SNCAIP: variants seen among roughly 807,000 people sequenced by gnomAD.
The protein encoded by SNCAIP is synuclein alpha interacting protein, also known as synphilin-1.
SNCAIP carries 43 observed loss-of-function variants against 86.7 expected under a neutral mutation model. The observed-to-expected ratio is 0.50, with a 90% CI of 0.39 to 0.64. The LOEUF is 0.64. Ranked by LOEUF, SNCAIP falls within the 30% of genes least tolerant of loss-of-function variation. The pLI, the probability that SNCAIP is intolerant of heterozygous loss-of-function variation, is 0.00. For synonymous variants in SNCAIP, 417 were observed against 427.2 expected (o/e 0.98, Z 0.29); for missense variants, 981 against 1,103.1 (o/e 0.89, Z 1.57).
At chr5:122,393,049 C>T (rs973998175) in intron 2 of SNCAIP, among the ~76,000 whole-genome samples, 1 of 152,026 alleles carries the variant, frequency 6.6e-6, no homozygotes, top group Non-Finnish European at 1.5e-5. Flanking sequence ...TAACTAAAAC[C>T]GTTTAGCAAA....
intron 8 of SNCAIP, among the ~76,000 whole-genome samples, chr5:122,448,440 G>A (rs1306961184): frequency 6.6e-6 from 1 of 151,242 alleles, no homozygotes; most frequent in African/African-American, 2.4e-5. Flanking sequence ...TTCAAGTCCA[G>A]CCTGAGAAGC....
intron 1 of SNCAIP, among the ~76,000 whole-genome samples, chr5:122,353,165 G>A (rs1336485069): frequency 2.0e-5 from 3 of 152,082 alleles, no homozygotes; most frequent in East Asian, 3.9e-4. Flanking sequence ...ACAACAGTGT[G>A]GATAAGTCTT....
chr5:122,400,846 G>A, intron 2 of SNCAIP: 1 of 916,630 alleles, frequency 1.1e-6, no homozygotes, highest in Non-Finnish European at 1.5e-6. Flanking sequence ...AAGAAGTCTG[G>A]AAAACAAATT....
chr5:122,439,056 A>G (rs1385299927), intron 6 of SNCAIP, among the ~76,000 whole-genome samples: 1 of 152,194 alleles, frequency 6.6e-6, no homozygotes, highest in Non-Finnish European at 1.5e-5. Flanking sequence ...TGCTATAATC[A>G]TCTATGTCCA....
At chr5:122,387,395 G>A (rs942624672) in intron 1 of SNCAIP, among the ~76,000 whole-genome samples, 23 of 152,194 alleles carry the variant, frequency 1.5e-4, no homozygotes, top group African/African-American at 5.3e-4. Flanking sequence ...CTCGTGATCC[G>A]TCCACCTTGG....
At chr5:122,456,441 C>CCCTA (rs1784791202) in intron 10 of SNCAIP, among the ~76,000 whole-genome samples, 1 of 152,104 alleles carries the variant, frequency 6.6e-6, no homozygotes, top group African/African-American at 2.4e-5. Flanking sequence ...ATTCCCCCAC[C>CCCTA]CCTAACACAC....
intron 1 of SNCAIP, among the ~76,000 whole-genome samples, chr5:122,353,660 T>C (rs1247203291): frequency 6.6e-6 from 1 of 152,126 alleles, no homozygotes; most frequent in Non-Finnish European, 1.5e-5. Context: ...AAAGAGGATT[T>C]CCCCTGCACA....
chr5:122,450,696 G>A lies in SNCAIP; in HGVS notation c.1849G>A (p.Asp617Asn). 6.2e-7 allele frequency: 1 copy of A among 1,614,138 alleles called. No homozygotes were observed. ...ACCCAAAGCAAAAGATGAAGATTCT[G>A]ATAAAATCTTACGCCAGTTATTGGG... is the stretch of plus-strand genomic sequence containing the variant. ...ARPKAKDEDSDKILRQLLGKE... is the reference protein window; with the variant it reads ...ARPKAKDEDSNKILRQLLGKE... The change falls in exon 10 of 11, where the codon GAT becomes AAT. Residue 617 changes from aspartate (D) to asparagine (N), a missense_variant. Asp to Asn is a conservative substitution (Grantham distance 23). Coordinates refer to ENST00000261368, the MANE Select transcript of SNCAIP (RefSeq NM_005460.4).
At chr5:122,389,597 C>G (rs1422788263) in intron 1 of SNCAIP, 3 of 152,068 alleles carry the variant, frequency 2.0e-5, no homozygotes, top group Admixed American at 6.5e-5. Flanking sequence ...GTTTGATAAC[C>G]TATTTTCAGA....
At chr5:122,405,107 A>G (rs575901828) in intron 3 of SNCAIP, among the ~76,000 whole-genome samples, 3 of 152,332 alleles carry the variant, frequency 2.0e-5, no homozygotes, top group Admixed American at 1.3e-4. Context: ...ACTTGAACCA[A>G]TGACTATGAT....
intron 3 of SNCAIP, among the ~76,000 whole-genome samples, chr5:122,413,333 A>G (rs1012159357): frequency 6.6e-6 from 1 of 152,108 alleles, no homozygotes; most frequent in Admixed American, 6.5e-5. Context: ...AAACTTGCAC[A>G]TGTGCTTCCT....
chr5:122,399,244 T>C (rs1271200383), intron 2 of SNCAIP, among the ~76,000 whole-genome samples: 1 of 152,084 alleles, frequency 6.6e-6, no homozygotes, highest in African/African-American at 2.4e-5. Flanking sequence ...GAGACAGACA[T>C]TTACTAGAGC....
At chr5:122,408,440 G>A (rs564381969) in intron 3 of SNCAIP, among the ~76,000 whole-genome samples, 11 of 152,114 alleles carry the variant, frequency 7.2e-5, no homozygotes, top group Non-Finnish European at 1.5e-4. Context: ...ATGGAAAATG[G>A]CAATGTTGTC....
intron 1 of SNCAIP, among the ~76,000 whole-genome samples, chr5:122,373,875 A>G (rs1764745065): frequency 6.6e-6 from 1 of 152,158 alleles, no homozygotes; most frequent in South Asian, 2.1e-4. Context: ...GCCTGGACCA[A>G]CAGAAGCATT....
intron 1 of SNCAIP, among the ~76,000 whole-genome samples, chr5:122,362,832 A>G (rs968094852): frequency 2.6e-5 from 4 of 152,134 alleles, no homozygotes; most frequent in South Asian, 2.1e-4. Context: ...AATGAATTAA[A>G]CAGTACAGCA....
chr5:122,406,328 A>AT (rs1245958465), intron 3 of SNCAIP, among the ~76,000 whole-genome samples: 5 of 152,244 alleles, frequency 3.3e-5, no homozygotes, highest in African/African-American at 1.2e-4. Flanking sequence ...AAGCTAGCAG[A>AT]TTTCTATCTT....
At chr5:122,437,690 T>G (rs566589039) in intron 6 of SNCAIP, among the ~76,000 whole-genome samples, 1 of 152,356 alleles carries the variant, frequency 6.6e-6, no homozygotes, top group Non-Finnish European at 1.5e-5. Flanking sequence ...AATCTTTCAT[T>G]GTAAGGAAGA....
At chr5:122,413,171 T>C (rs1211125592) in intron 3 of SNCAIP, among the ~76,000 whole-genome samples, 1 of 152,148 alleles carries the variant, frequency 6.6e-6, no homozygotes, top group Admixed American at 6.5e-5. Context: ...TCAGTTAAAA[T>C]AAAAAACAAA....
intron 10 of SNCAIP, among the ~76,000 whole-genome samples, chr5:122,456,118 C>A (rs1266473774): frequency 6.6e-6 from 1 of 152,204 alleles, no homozygotes; most frequent in African/African-American, 2.4e-5. Flanking sequence ...ACCAGTAACA[C>A]CCACTTTGAC....
Sources: allele counts gnomAD v4.1 joint callset (sites outside exome capture counted in the v4.1 genomes callset), GRCh38; gene constraint gnomAD v4.1.1; transcripts MANE v1.5; gene names NCBI Gene and HGNC (gene_info 2026-07-23, HGNC 2026-07-21).